GLRA2: variants seen among roughly 807,000 people sequenced by gnomAD.
GLRA2 encodes glycine receptor subunit alpha-2.
Under a neutral mutation model 31.6 loss-of-function variants are expected in GLRA2, and 11 were observed. The ratio of observed to expected loss-of-function variants is 0.35; its 90% CI spans 0.22 to 0.58. GLRA2 has a LOEUF of 0.58. Ranked by LOEUF, GLRA2 falls within the 20% of genes least tolerant of loss-of-function variation. The pLI is 0.84. For synonymous variants in GLRA2, 132 were observed against 134.0 expected, an observed-to-expected ratio of 0.99 and a Z score of 0.10; for missense variants, 212 against 351.8, an observed-to-expected ratio of 0.60 and a Z score of 3.18.
intron 7 of GLRA2, among the ~76,000 whole-genome samples, chrX:14,635,378 G>GA (rs771640664): frequency 1.8e-5 from 2 of 111,969 alleles, no homozygotes; most frequent in Non-Finnish European, 3.8e-5. Context: ...TGTCCACTGA[G>GA]AAAATGAAGA....
chrX:14,548,604 C>A (rs2089512645), intron 2 of GLRA2, among the ~76,000 whole-genome samples: 1 of 111,425 alleles, frequency 9.0e-6, no homozygotes, highest in Non-Finnish European at 1.9e-5. Context: ...TATTTCAGTA[C>A]CAATATCCCA....
chrX:14,466,631 A>G, the GLRA2 span, among the ~76,000 whole-genome samples: 1 of 111,663 alleles, frequency 9.0e-6, no homozygotes, highest in Non-Finnish European at 1.9e-5. Context: ...AAAGCTCCTT[A>G]GAGAATGCTA....
chrX:14,547,164 C>A (rs946132115), intron 2 of GLRA2, among the ~76,000 whole-genome samples: 1 of 111,082 alleles, frequency 9.0e-6, no homozygotes, highest in Non-Finnish European at 1.9e-5. Context: ...TAAATAGATC[C>A]TAAAGGAAAG....
intron 4 of GLRA2, among the ~76,000 whole-genome samples, chrX:14,585,712 T>C (rs1304734455): frequency 8.9e-6 from 1 of 111,762 alleles, no homozygotes; most frequent in Non-Finnish European, 1.9e-5. Context: ...AGAGCTGATA[T>C]AAAATTTATT....
At chrX:14,580,724 G>C (rs1035848756) in intron 3 of GLRA2, among the ~76,000 whole-genome samples, 1 of 111,945 alleles carries the variant, frequency 8.9e-6, no homozygotes, top group Non-Finnish European at 1.9e-5. Flanking sequence ...AGTTTTATAA[G>C]ATTTTCACTA....
chrX:14,598,453 AAATG>A (rs2090232770), intron 4 of GLRA2, among the ~76,000 whole-genome samples: 1 of 112,564 alleles, frequency 8.9e-6, no homozygotes, highest in South Asian at 3.6e-4. Flanking sequence ...TTGTAATGTT[AAATG>A]ATTAATTTAC....
intron 7 of GLRA2, among the ~76,000 whole-genome samples, chrX:14,643,609 C>T (rs1461102764): frequency 9.0e-6 from 1 of 111,700 alleles, no homozygotes; most frequent in Non-Finnish European, 1.9e-5. Flanking sequence ...CATAAGAGTT[C>T]ACCAGGTGCT....
intron 2 of GLRA2, among the ~76,000 whole-genome samples, chrX:14,538,021 C>T (rs1429666526): frequency 3.7e-5 from 4 of 108,054 alleles, no homozygotes; most frequent in African/African-American, 1.3e-4. Flanking sequence ...ATACTAGGCT[C>T]CTACTATGGA....
chrX:14,634,037 C>T (rs773573111), intron 7 of GLRA2, among the ~76,000 whole-genome samples: 2 of 111,909 alleles, frequency 1.8e-5, no homozygotes, highest in African/African-American at 3.2e-5. Context: ...CAACCTCCGC[C>T]TCACTGGTTC....
chrX:14,730,891 T>TACACACACACACAC lies in GLRA2; in HGVS notation c.*452_*465dup, dbSNP rs55910036. The stretch of plus-strand genomic sequence containing the variant: ...AATTCTGGTACTGAAAAGTTAGCTA[T>TACACACACACACAC]ACACACACACACACACACACACACA... On this transcript the variant is annotated 3_prime_UTR_variant, in exon 9 of 9. Coordinates refer to ENST00000218075, the MANE Select transcript of GLRA2 (RefSeq NM_002063.4). 7 of 97,401 alleles carry TACACACACACACAC rather than the reference T, an allele frequency of 7.2e-5. No homozygotes were observed. Among genetic ancestry groups the TACACACACACACAC allele is most frequent in the African/African-American group, 2.3e-4 (5 of 21,825 alleles). 8.0% of individuals were successfully genotyped at this position (97,401 alleles called of 1,213,427 possible). A position where few individuals can be genotyped will look rare whatever the true frequency, so the allele number is the denominator to read the frequency against.
intron 8 of GLRA2, among the ~76,000 whole-genome samples, chrX:14,698,882 C>T (rs1039394122): frequency 2.7e-5 from 3 of 110,376 alleles, no homozygotes; most frequent in Non-Finnish European, 5.7e-5. Flanking sequence ...ATTGAGAGAA[C>T]ACCTGAGATT....
chrX:14,661,097 CATGAATGA>C (rs552553651), intron 7 of GLRA2, among the ~76,000 whole-genome samples: 48 of 108,313 alleles, frequency 4.4e-4, no homozygotes, highest in South Asian at 1.2e-3. Flanking sequence ...AAAGATGCTA[CATGAATGA>C]ATGAATGAAT....
At chrX:14,661,678 C>A in intron 7 of GLRA2, among the ~76,000 whole-genome samples, 1 of 109,678 alleles carries the variant, frequency 9.1e-6, no homozygotes, top group Non-Finnish European at 1.9e-5. Context: ...TCGAAACCAG[C>A]CTGGGCAACA....
At chrX:14,645,263 C>T (rs1302583178) in intron 7 of GLRA2, among the ~76,000 whole-genome samples, 1 of 111,798 alleles carries the variant, frequency 8.9e-6, no homozygotes, top group African/African-American at 3.3e-5. Flanking sequence ...ATTTGAGCCA[C>T]AAACCCTCTT....
chrX:14,469,672 A>T, the GLRA2 span, among the ~76,000 whole-genome samples: 2 of 83,449 alleles, frequency 2.4e-5, no homozygotes, highest in Non-Finnish European at 4.4e-5. Flanking sequence ...AGGAAGGGGA[A>T]CATCACACTC....
At chrX:14,656,211 C>T (rs1318095798) in intron 7 of GLRA2, among the ~76,000 whole-genome samples, 1 of 112,005 alleles carries the variant, frequency 8.9e-6, no homozygotes, top group African/African-American at 3.2e-5. Context: ...CCTAGGGATT[C>T]TAATTTAATT....
chrX:14,685,931 C>G (rs1175913974), intron 7 of GLRA2, among the ~76,000 whole-genome samples: 2 of 112,041 alleles, frequency 1.8e-5, no homozygotes, highest in Admixed American at 1.9e-4. Context: ...ATCTTTCCTG[C>G]TTTCTCTTGT....
intron 7 of GLRA2, among the ~76,000 whole-genome samples, chrX:14,669,321 T>G (rs913632283): frequency 8.9e-6 from 1 of 111,801 alleles, no homozygotes; most frequent in Non-Finnish European, 1.9e-5. Flanking sequence ...TTTCCAGGTG[T>G]ACAGTACAAG....
chrX:14,514,704 A>G, the GLRA2 span, among the ~76,000 whole-genome samples: 1 of 111,507 alleles, frequency 9.0e-6, no homozygotes, highest in South Asian at 3.7e-4. Flanking sequence ...ATTCTGGTCA[A>G]CAATTTTTTT....
Sources: gnomAD v4.1 joint callset for allele counts (sites outside exome capture counted in the v4.1 genomes callset) on GRCh38, gnomAD v4.1.1 for gene constraint, MANE v1.5 for transcripts, NCBI Gene and HGNC (gene_info 2026-07-23, HGNC 2026-07-21) for gene names.